The following RBFOX3 variants were observed in gnomAD, a reference collection of about 807,000 sequenced individuals.
RBFOX3 encodes RNA binding protein fox-1 homolog 3.
In RBFOX3, 17 loss-of-function variants were observed where a neutral mutation model predicts 48.7. That is an observed-to-expected ratio of 0.35 (90% confidence interval 0.24 to 0.52). The LOEUF (loss-of-function observed/expected upper bound fraction) is 0.52. Among genes scored for constraint, RBFOX3 ranks in the 20% least tolerant of loss-of-function variants. RBFOX3 has a pLI of 0.94. For synonymous variants in RBFOX3, 212 were observed against 209.5 expected, an observed-to-expected ratio of 1.01 and a Z score of -0.10; for missense variants, 382 against 497.5, an observed-to-expected ratio of 0.77 and a Z score of 2.21.
At chr17:79,611,130 T>TTC (rs1173570495), upstream of RBFOX3, among the ~76,000 whole-genome samples, 63 of 37,818 alleles carry the variant, frequency 1.7e-3, 13 homozygotes, top group African/African-American at 0.013. Flanking sequence ...TCCGCCCTCC[T>TTC]TCTCTCTCTC....
At chr17:79,389,923 C>T (rs1024473493) in intron 2 of RBFOX3, among the ~76,000 whole-genome samples, 11 of 152,236 alleles carry the variant, frequency 7.2e-5, no homozygotes, top group Non-Finnish European at 1.5e-4. Context: ...GAGAAGGAGG[C>T]CTTGGAGCAA....
At chr17:79,375,941 G>A (rs895898765) in intron 2 of RBFOX3, among the ~76,000 whole-genome samples, 3 of 152,248 alleles carry the variant, frequency 2.0e-5, no homozygotes, top group African/African-American at 7.2e-5. Context: ...GGGGAGTGCA[G>A]TTGTGCTTCC....
At chr17:79,486,164 C>T (rs1448371549) in intron 1 of RBFOX3, among the ~76,000 whole-genome samples, 1 of 152,192 alleles carries the variant, frequency 6.6e-6, no homozygotes, top group Non-Finnish European at 1.5e-5. Context: ...CTAGGCCCCG[C>T]AGCCCGGCAG....
At chr17:79,620,486 TGCACACACGC>T in the RBFOX3 span, among the ~76,000 whole-genome samples, 7,168 of 134,454 alleles carry the variant, frequency 0.053, 549 homozygotes, top group African/African-American at 0.18. Context: ...CACACGCACG[TGCACACACGC>T]GCACACACAT....
intron 2 of RBFOX3, among the ~76,000 whole-genome samples, chr17:79,360,480 G>A (rs1568109189): frequency 6.6e-6 from 1 of 152,184 alleles, no homozygotes; most frequent in Admixed American, 6.5e-5. Context: ...AGGTGCCCGC[G>A]CTCAGCAGGG....
At position 79,439,409 on chromosome 17, in the gene RBFOX3, G is replaced by A. The variant is rs530707048; in HGVS notation, c.-175+43045C>T. ...TCTCACTGTGATTTCATCTCTCCTC[G>A]CCTTTGCCCAGATGTCCCGTAACCT... is the stretch of plus-strand genomic sequence containing the variant. On this transcript the variant is annotated intron_variant, in intron 2 of 14. Coordinates refer to ENST00000693108, the MANE Select transcript of RBFOX3 (RefSeq NM_001350451.2). Among the ~76,000 whole-genome samples the A allele has an allele frequency of 1.4e-4, 22 of 152,284 alleles. No homozygotes were observed. The South Asian group carries it at 1.4e-3, about 10-fold the overall frequency.
At chr17:79,532,889 T>A (rs2088053560) in intron 1 of RBFOX3, among the ~76,000 whole-genome samples, 1 of 152,186 alleles carries the variant, frequency 6.6e-6, no homozygotes, top group African/African-American at 2.4e-5. Flanking sequence ...CTGTCGAAAC[T>A]GCTCTCAGCA....
chr17:79,642,854 G>A, the RBFOX3 span, among the ~76,000 whole-genome samples: 2 of 152,202 alleles, frequency 1.3e-5, no homozygotes, highest in Admixed American at 1.3e-4. Flanking sequence ...CAGTTAAAAG[G>A]TGGAGGTTAT....
chr17:79,152,509 G>A lies in RBFOX3; in HGVS notation c.-33-36761C>T, dbSNP rs571046734. Among the ~76,000 whole-genome samples, 5 of 152,314 alleles carry A rather than the reference G, an allele frequency of 3.3e-5. No homozygotes were observed. In the East Asian group the frequency reaches 9.7e-4, roughly 29 times the overall value. ...CCGGGGGTCACCCCGAACTTGGGAT[G>A]AGGGCACTCATTCTGTGAGCTTCTT... On this transcript the variant is annotated intron_variant, in intron 4 of 14. Coordinates refer to ENST00000693108, the MANE Select transcript of RBFOX3 (RefSeq NM_001350451.2).
intron 2 of RBFOX3, among the ~76,000 whole-genome samples, chr17:79,366,833 G>C (rs1409710193): frequency 6.6e-6 from 1 of 152,204 alleles, no homozygotes; most frequent in Non-Finnish European, 1.5e-5. Context: ...CCCTTCCGGG[G>C]AGCTGCTCTC....
chr17:79,443,430 G>GTGGGC lies in RBFOX3; in HGVS notation c.-175+39023_-175+39024insGCCCA, dbSNP rs1555736242. 6.6e-6 allele frequency among the ~76,000 whole-genome samples: 1 copy of GTGGGC among 152,046 alleles called. No homozygotes were observed. Among genetic ancestry groups the GTGGGC allele is most frequent in the African/African-American group, 2.4e-5 (1 of 41,404 alleles). On this transcript the variant is annotated intron_variant, in intron 2 of 14. Transcript: ENST00000693108. This position sits in a 1 kb window ranked among gnomAD's most constrained non-coding sequence, Gnocchi z 4.4. ...ACAGTCTTGCTCTGTCGCCCAGGCT[G>GTGGGC]GAGTGCAGTGGCTCGATCTCGGCTC...
chr17:79,349,037 C>G (rs2083399769), intron 2 of RBFOX3, among the ~76,000 whole-genome samples: 1 of 152,088 alleles, frequency 6.6e-6, no homozygotes, highest in African/African-American at 2.4e-5. Context: ...GCCTCTATCT[C>G]TCCCTCTTCC....
intron 2 of RBFOX3, among the ~76,000 whole-genome samples, chr17:79,422,159 T>C (rs1396683442): frequency 6.6e-6 from 1 of 151,840 alleles, no homozygotes; most frequent in Non-Finnish European, 1.5e-5. Flanking sequence ...CCTCTGATGA[T>C]AGCTGCTCTG....
At chr17:79,518,705 A>G (rs2085619352) in intron 1 of RBFOX3, among the ~76,000 whole-genome samples, 1 of 152,246 alleles carries the variant, frequency 6.6e-6, no homozygotes, top group Admixed American at 6.5e-5. Flanking sequence ...ACCGGGGTTG[A>G]GGCCCCCTTG....
At chr17:79,331,737 C>T (rs1174519897) in intron 2 of RBFOX3, among the ~76,000 whole-genome samples, 4 of 152,242 alleles carry the variant, frequency 2.6e-5, no homozygotes, top group African/African-American at 7.2e-5. Context: ...CGTGCTGTGG[C>T]CTGCCCGCTG....
At chr17:79,369,076 T>C (rs984634544) in intron 2 of RBFOX3, among the ~76,000 whole-genome samples, 6 of 152,036 alleles carry the variant, frequency 3.9e-5, no homozygotes, top group African/African-American at 1.4e-4. Context: ...CTGCCACCCC[T>C]GGACAGCCTG....
chr17:79,238,942 C>T (rs752216689), intron 3 of RBFOX3, among the ~76,000 whole-genome samples: 26 of 152,302 alleles, frequency 1.7e-4, no homozygotes, highest in Non-Finnish European at 2.2e-4. Context: ...CCTGGTTCTT[C>T]GGGCCAGGAG....
intron 2 of RBFOX3, among the ~76,000 whole-genome samples, chr17:79,475,249 G>A (rs1211593391): frequency 6.6e-6 from 1 of 152,114 alleles, no homozygotes; most frequent in South Asian, 2.1e-4. Context: ...GGGTCCTGGG[G>A]TTCTTCCAAT....
chr17:79,526,436 C>T (rs2086805312), intron 1 of RBFOX3, among the ~76,000 whole-genome samples: 1 of 152,196 alleles, frequency 6.6e-6, no homozygotes, highest in Non-Finnish European at 1.5e-5. Context: ...ATCCTAAATC[C>T]TAGGGAATTT....
Sources: allele counts gnomAD v4.1 joint callset (sites outside exome capture counted in the v4.1 genomes callset), GRCh38; gene constraint gnomAD v4.1.1; non-coding constraint Gnocchi (gnomAD v3.1); transcripts MANE v1.5; gene names NCBI Gene and HGNC (gene_info 2026-07-23, HGNC 2026-07-21).